LMNTD1: variants seen among roughly 807,000 people sequenced by gnomAD.
The protein encoded by LMNTD1 is lamin tail domain-containing protein 1.
In LMNTD1, 35 loss-of-function variants were observed where a neutral mutation model predicts 50.9. The ratio of observed to expected loss-of-function variants is 0.69; its 90% CI spans 0.53 to 0.91. LMNTD1 has a LOEUF of 0.91. Ranked by LOEUF, LMNTD1 falls within the 40% of genes least tolerant of loss-of-function variation. The pLI is 0.00. For missense variants in LMNTD1, 470 were observed against 475.5 expected (o/e 0.99, Z 0.11); for synonymous variants, 153 against 161.9 (o/e 0.94, Z 0.42).
At chr12:25,515,221 T>C (rs527317000) in intron 8 of LMNTD1, among the ~76,000 whole-genome samples, 19 of 151,906 alleles carry the variant, frequency 1.3e-4, no homozygotes, top group Non-Finnish European at 2.8e-4. Flanking sequence ...AATTAAAATA[T>C]TTAAAAATTT....
chr12:25,542,641 C>G (rs980896282), intron 4 of LMNTD1, among the ~76,000 whole-genome samples: 1 of 151,186 alleles, frequency 6.6e-6, no homozygotes, highest in South Asian at 2.1e-4. Flanking sequence ...TTAGTGGGTG[C>G]AGCACACTAG....
intron 9 of LMNTD1, 142 bp downstream of exon 9, chr12:25,503,596 A>G (rs150065930): frequency 1.5e-4 from 84 of 559,888 alleles, no homozygotes; most frequent in Non-Finnish European, 2.6e-4. Flanking sequence ...TAAAGGCAAC[A>G]TAAATATTTA....
intron 1 of LMNTD1, chr12:25,586,168 T>C (rs1244140479): frequency 1.3e-5 from 2 of 152,236 alleles, no homozygotes; most frequent in Non-Finnish European, 2.9e-5. Context: ...AAGTACTATT[T>C]GATTTTTTTT....
chr12:25,634,332 C>T (rs1468845170), intron 1 of LMNTD1, among the ~76,000 whole-genome samples: 1 of 152,146 alleles, frequency 6.6e-6, no homozygotes, highest in Non-Finnish European at 1.5e-5. Flanking sequence ...CTAATTCATT[C>T]TATGAAGCCA....
At chr12:25,635,623 T>C (rs6487498) in intron 1 of LMNTD1, among the ~76,000 whole-genome samples, 75,175 of 152,004 alleles carry the variant, frequency 0.49, 20,545 homozygotes, top group Non-Finnish European at 0.63. Context: ...TTCACAGAAT[T>C]AGAAGAAACA....
At chr12:25,629,824 G>A (rs74596342) in intron 1 of LMNTD1, among the ~76,000 whole-genome samples, 1 of 152,016 alleles carries the variant, frequency 6.6e-6, no homozygotes, top group Non-Finnish European at 1.5e-5. Context: ...AATATATATA[G>A]AGAGAGAGAC....
In LMNTD1 at chr12:25,511,372, T is replaced by G. The variant is rs536408809; in HGVS notation, c.1189+7423A>C. Among the ~76,000 whole-genome samples the G allele has an allele frequency of 2.6e-5, 4 of 152,258 alleles. No homozygotes were observed. In the East Asian group the frequency reaches 7.7e-4, roughly 29 times the overall value. ...AGTAGAGAAAGACCGTTAGGATACC[T>G]CAGGTTTCTGAATGGCATTCACTTA... On this transcript the variant is annotated intron_variant, in intron 8 of 9. Transcript: ENST00000458174.
intron 1 of LMNTD1, among the ~76,000 whole-genome samples, chr12:25,567,305 T>C (rs1555111732): frequency 6.6e-6 from 1 of 152,234 alleles, no homozygotes; most frequent in Non-Finnish European, 1.5e-5. Context: ...TTTATTGTTG[T>C]ACTGTTTGCT....
Position 25,553,142 on chromosome 12 carries a change from T to C in LMNTD1, c.-104A>G. ...TACCAAACTAGTACCAGAACCACAA[T>C]TCTCATGAGGATATGTAAGTACCAA... On this transcript the variant is annotated 5_prime_UTR_variant, in exon 1 of 10. Transcript: ENST00000458174. 6.2e-7 allele frequency: 1 copy of C among 1,610,850 alleles called. No individual in the cohort carries two copies. Among genetic ancestry groups the C allele is most frequent in the Non-Finnish European group, 8.5e-7 (1 of 1,179,428 alleles).
chr12:25,514,477 C>G (rs113727816), intron 8 of LMNTD1, among the ~76,000 whole-genome samples: 10,801 of 151,278 alleles, frequency 0.071, 1,283 homozygotes, highest in African/African-American at 0.25. Flanking sequence ...CATGGACATA[C>G]AGAGTAGAAG....
intron 8 of LMNTD1, among the ~76,000 whole-genome samples, chr12:25,518,513 C>T (rs1345866899): frequency 6.6e-6 from 1 of 152,022 alleles, no homozygotes; most frequent in African/African-American, 2.4e-5. Context: ...CATTGAACTT[C>T]AAGAATCATA....
chr12:25,491,448 G>T (rs1406829845), intron 9 of LMNTD1, among the ~76,000 whole-genome samples: 3 of 152,192 alleles, frequency 2.0e-5, no homozygotes, highest in African/African-American at 7.2e-5. Flanking sequence ...GAAGGTTGAT[G>T]GAGCAACGTA....
chr12:25,609,541 C>T (rs1048449750), intron 1 of LMNTD1, among the ~76,000 whole-genome samples: 2 of 152,186 alleles, frequency 1.3e-5, no homozygotes, highest in African/African-American at 4.8e-5. Flanking sequence ...TGATGCTATT[C>T]CTTCCTGTTT....
At chr12:25,566,984 G>A (rs1403666499) in intron 1 of LMNTD1, among the ~76,000 whole-genome samples, 2 of 152,184 alleles carry the variant, frequency 1.3e-5, no homozygotes, top group Non-Finnish European at 2.9e-5. Context: ...GGATACTAAG[G>A]CCCTGAGGTT....
intron 8 of LMNTD1, among the ~76,000 whole-genome samples, chr12:25,515,391 T>C (rs938511419): frequency 3.9e-5 from 6 of 152,040 alleles, no homozygotes; most frequent in African/African-American, 1.2e-4. Flanking sequence ...CAAAAAGAGC[T>C]GGCACATTTA....
In LMNTD1 at chr12:25,481,865, TCACACACACA is replaced by T. The variant is rs138084240; in HGVS notation, c.*23-5415_*23-5406del. Among the ~76,000 whole-genome samples, 124 of 132,700 alleles carry T rather than the reference TCACACACACA, an allele frequency of 9.3e-4. 1 individual carries two copies. Among genetic ancestry groups the T allele is most frequent in the Middle Eastern group, 3.4e-3 (1 of 290 alleles). 87.1% of individuals were successfully genotyped at this position (132,700 alleles called of 152,430 possible). On this transcript the variant is annotated intron_variant, in intron 9 of 9. Transcript: ENST00000458174. ...CAACATATAGTAATATATTGCCTCT[TCACACACACA>T]CACACACACACACACACACACACAC...
intron 6 of LMNTD1, among the ~76,000 whole-genome samples, chr12:25,520,819 A>G (rs190761730): frequency 2.0e-5 from 3 of 152,302 alleles, no homozygotes; most frequent in Non-Finnish European, 4.4e-5. Flanking sequence ...ATTCCTGCCA[A>G]CCATGTACTG....
intron 4 of LMNTD1, among the ~76,000 whole-genome samples, chr12:25,530,219 G>A (rs576084133): frequency 3.2e-4 from 49 of 152,250 alleles, no homozygotes; most frequent in African/African-American, 1.2e-3. Context: ...TCGTAGCATA[G>A]TATTTAATTA....
intron 1 of LMNTD1, among the ~76,000 whole-genome samples, chr12:25,632,937 A>G (rs1041121846): frequency 6.6e-6 from 1 of 152,136 alleles, no homozygotes; most frequent in Non-Finnish European, 1.5e-5. Flanking sequence ...TGCCTAACAC[A>G]TAAGGACTCA....
Sources: allele counts gnomAD v4.1 joint callset (sites outside exome capture counted in the v4.1 genomes callset), GRCh38; gene constraint gnomAD v4.1.1; transcripts MANE v1.5; gene names NCBI Gene and HGNC (gene_info 2026-07-23, HGNC 2026-07-21).